SGCZ: variants seen among roughly 807,000 people sequenced by gnomAD.
SGCZ encodes sarcoglycan zeta, also known as zeta-sarcoglycan.
Under a neutral mutation model 41.3 loss-of-function variants are expected in SGCZ, and 40 were observed. The observed-to-expected ratio is 0.97, with a 90% CI of 0.75 to 1.26. The LOEUF (loss-of-function observed/expected upper bound fraction) is 1.26, where lower values mean the gene tolerates loss of function less well. Among genes scored for constraint, SGCZ ranks in the 50% most tolerant of loss-of-function variants. The probability of loss-of-function intolerance (pLI) is 0.00; values close to 1 mark genes in which losing one functional copy is unlikely to be tolerated. For missense variants in SGCZ, 552 were observed against 369.8 expected, an observed-to-expected ratio of 1.49 and a Z score of -4.04; for synonymous variants, 206 against 137.5, an observed-to-expected ratio of 1.50 and a Z score of -3.49.
At chr8:14,503,889 C>T (rs556366854) in intron 2 of SGCZ, among the ~76,000 whole-genome samples, 2 of 152,106 alleles carry the variant, frequency 1.3e-5, no homozygotes, top group East Asian at 3.9e-4. Context: ...TCATTTAAAA[C>T]CTTTGAAGTT....
intron 4 of SGCZ, among the ~76,000 whole-genome samples, chr8:14,189,466 C>T (rs988806574): frequency 5.9e-5 from 9 of 152,152 alleles, no homozygotes; most frequent in East Asian, 3.9e-4. Flanking sequence ...CCCAATAATC[C>T]TTTTGCCATT....
intron 2 of SGCZ, among the ~76,000 whole-genome samples, chr8:14,537,291 G>A (rs570555390): frequency 2.6e-5 from 4 of 151,808 alleles, no homozygotes; most frequent in Admixed American, 6.6e-5. Flanking sequence ...AGACCAGGGT[G>A]GGGGGTCGTC....
chr8:14,316,159 G>A (rs1280915811), intron 3 of SGCZ, among the ~76,000 whole-genome samples: 1 of 151,624 alleles, frequency 6.6e-6, no homozygotes, highest in Non-Finnish European at 1.5e-5. Flanking sequence ...TAATGTATAG[G>A]ACCAAACTTA....
intron 1 of SGCZ, among the ~76,000 whole-genome samples, chr8:14,680,020 T>G (rs1808392990): frequency 6.6e-6 from 1 of 152,154 alleles, no homozygotes. Flanking sequence ...TGTAGTAGGC[T>G]ATACCAGCTA....
At chr8:14,817,042 G>T (rs1440025749) in intron 1 of SGCZ, among the ~76,000 whole-genome samples, 3 of 152,144 alleles carry the variant, frequency 2.0e-5, no homozygotes, top group Non-Finnish European at 4.4e-5. Flanking sequence ...TAAAAGTTTT[G>T]TCCATTTCAT....
chr8:15,043,271 G>C (rs1804177297), intron 1 of SGCZ, among the ~76,000 whole-genome samples: 1 of 152,014 alleles, frequency 6.6e-6, no homozygotes, highest in Admixed American at 6.6e-5. Context: ...GTCTCTAGAA[G>C]GTTAGAAAAT....
chr8:14,449,701 TTAAAG>T (rs911770239), intron 2 of SGCZ, among the ~76,000 whole-genome samples: 3 of 152,138 alleles, frequency 2.0e-5, no homozygotes, highest in Admixed American at 6.6e-5. Flanking sequence ...TCTTCATGCA[TTAAAG>T]TAAATTTTTG....
At chr8:14,254,395 C>G (rs929526340) in intron 3 of SGCZ, among the ~76,000 whole-genome samples, 4 of 152,212 alleles carry the variant, frequency 2.6e-5, no homozygotes, top group African/African-American at 9.6e-5. Context: ...GTGCCCTGCA[C>G]TGCTGGCACT....
At chr8:14,119,387 C>G (rs578103261) in intron 5 of SGCZ, among the ~76,000 whole-genome samples, 1 of 151,788 alleles carries the variant, frequency 6.6e-6, no homozygotes, top group Non-Finnish European at 1.5e-5. Context: ...GTTAGGAATG[C>G]TTGTGATTTT....
intron 1 of SGCZ, among the ~76,000 whole-genome samples, chr8:14,584,578 T>C (rs1301910925): frequency 6.6e-6 from 1 of 152,166 alleles, no homozygotes. Context: ...TACAAATGAT[T>C]AGGTTACAAA....
intron 1 of SGCZ, among the ~76,000 whole-genome samples, chr8:14,584,209 C>T (rs936978465): frequency 2.0e-5 from 3 of 152,116 alleles, no homozygotes; most frequent in South Asian, 4.1e-4. Flanking sequence ...GAATTAGATA[C>T]GGCATTGAAA....
At chr8:14,409,220 T>C (rs1799294862) in intron 2 of SGCZ, among the ~76,000 whole-genome samples, 1 of 152,122 alleles carries the variant, frequency 6.6e-6, no homozygotes, top group Non-Finnish European at 1.5e-5. Context: ...ACTAGAAAAT[T>C]AATATGAGCA....
chr8:14,769,623 C>A (rs1800162606), intron 1 of SGCZ, among the ~76,000 whole-genome samples: 1 of 151,898 alleles, frequency 6.6e-6, no homozygotes, highest in African/African-American at 2.4e-5. Flanking sequence ...GAAACCCAGT[C>A]TCTACTAAAA....
In SGCZ at chr8:14,994,834, C is replaced by T. The variant is rs56140168; in HGVS notation, c.39+242751G>A. 4.5e-3 allele frequency among the ~76,000 whole-genome samples: 680 copies of T among 152,232 alleles called. 1 individual carries two copies. Among genetic ancestry groups the T allele is most frequent in the Non-Finnish European group, 7.0e-3 (474 of 68,014 alleles). Reference sequence around the variant, plus strand: ...AGCTTCATTTCTCAAATATTATACACGTTTTTTCTTAAAATACTAGGCATA... The same window carrying T: ...AGCTTCATTTCTCAAATATTATACATGTTTTTTCTTAAAATACTAGGCATA... On this transcript the variant is annotated intron_variant, in intron 1 of 7. Coordinates refer to ENST00000382080, the MANE Select transcript of SGCZ (RefSeq NM_139167.4).
chr8:14,489,725 T>C (rs1801786392), intron 2 of SGCZ, among the ~76,000 whole-genome samples: 1 of 152,122 alleles, frequency 6.6e-6, no homozygotes, highest in South Asian at 2.1e-4. Flanking sequence ...TTAGCTCCCC[T>C]ATCTCCCAGT....
chr8:14,464,269 T>A (rs2116960611), intron 2 of SGCZ, among the ~76,000 whole-genome samples: 1 of 151,674 alleles, frequency 6.6e-6, no homozygotes, highest in South Asian at 2.1e-4. Flanking sequence ...TCAGGAGATT[T>A]TTTTTTGGTT....
chr8:14,655,795 A>C (rs759656827), intron 1 of SGCZ, among the ~76,000 whole-genome samples: 5 of 152,100 alleles, frequency 3.3e-5, no homozygotes, highest in Non-Finnish European at 7.3e-5. Context: ...ACACTAAGCA[A>C]CCAATAATCT....
At chr8:14,369,773 CCT>C (rs1327198813) in intron 2 of SGCZ, among the ~76,000 whole-genome samples, 2 of 151,768 alleles carry the variant, frequency 1.3e-5, no homozygotes, top group Middle Eastern at 3.4e-3. Flanking sequence ...ACAATTTTTT[CCT>C]CTCTTACTGC....
In SGCZ at chr8:14,149,080, T is replaced by A. The variant is rs544764120; in HGVS notation, c.547+15500A>T. Among the ~76,000 whole-genome samples, 37 of 152,144 alleles carry A rather than the reference T, an allele frequency of 2.4e-4. 1 individual carries two copies. Among genetic ancestry groups the A allele is most frequent in the Non-Finnish European group, 4.9e-4 (33 of 67,958 alleles). On this transcript the variant is annotated intron_variant, in intron 5 of 7. Transcript: ENST00000382080. ...TATAAGACACCCACAGCTAGTATCA[T>A]AGTGAGTGGGGAAAAACTGAAAGCC...
Sources: allele counts gnomAD v4.1 joint callset (sites outside exome capture counted in the v4.1 genomes callset), GRCh38; gene constraint gnomAD v4.1.1; transcripts MANE v1.5; gene names NCBI Gene and HGNC (gene_info 2026-07-23, HGNC 2026-07-21).